GRM8: variants seen among roughly 807,000 people sequenced by gnomAD.
The protein encoded by GRM8 is metabotropic glutamate receptor 8.
Under a neutral mutation model 87.2 loss-of-function variants are expected in GRM8, and 47 were observed. The observed-to-expected ratio is 0.54, with a 90% confidence interval of 0.43 to 0.69. The LOEUF (loss-of-function observed/expected upper bound fraction) is 0.69, where lower values mean the gene tolerates loss of function less well. Ranked by LOEUF, GRM8 falls within the 30% of genes least tolerant of loss-of-function variation. The probability of loss-of-function intolerance (pLI) is 0.00; values close to 1 mark genes in which losing one functional copy is unlikely to be tolerated. For missense variants in GRM8, 1,019 were observed against 1,139.2 expected, an observed-to-expected ratio of 0.89 and a Z score of 1.52; for synonymous variants, 396 against 404.5, an observed-to-expected ratio of 0.98 and a Z score of 0.25.
intron 6 of GRM8, among the ~76,000 whole-genome samples, chr7:126,844,192 C>T (rs1401562801): frequency 6.6e-6 from 1 of 152,202 alleles, no homozygotes; most frequent in Non-Finnish European, 1.5e-5. Context: ...TTTTGAGACA[C>T]TGATTATTGT....
chr7:127,083,485 T>C (rs1374956751), intron 3 of GRM8, among the ~76,000 whole-genome samples: 1 of 152,136 alleles, frequency 6.6e-6, no homozygotes, highest in Non-Finnish European at 1.5e-5. Flanking sequence ...TCCATTCATC[T>C]TTCAGCCTAC....
chr7:127,019,261 C>A, intron 3 of GRM8, among the ~76,000 whole-genome samples: 1 of 152,010 alleles, frequency 6.6e-6, no homozygotes, highest in African/African-American at 2.4e-5. Flanking sequence ...CTATTGAAAA[C>A]TGGTATATTT....
Position 127,242,841 on chromosome 7 carries a change from C to G in GRM8, c.364G>C (p.Ala122Pro). ...ALEQSLTFVQALIEKDASDVK... is the reference protein window; with the variant it reads ...ALEQSLTFVQPLIEKDASDVK... ...TCCGAAGCATCTTTCTCTATTAATG[C>G]CTGCACGAATGTTAGAGACTGCTCC... The change falls in exon 2 of 11, where the codon GCA (alanine) becomes CCA (proline). Residue 122 changes from alanine to proline, a missense_variant. By Grantham distance (27) the Ala-to-Pro change is conservative. Transcript: ENST00000339582. The G allele has an allele frequency of 6.2e-7, 1 of 1,614,116 alleles. No individual in the cohort carries two copies. Among genetic ancestry groups the G allele is most frequent in the Non-Finnish European group, 8.5e-7 (1 of 1,180,012 alleles).
chr7:127,053,182 C>T (rs1263980728), intron 3 of GRM8, among the ~76,000 whole-genome samples: 2 of 152,138 alleles, frequency 1.3e-5, no homozygotes, highest in Non-Finnish European at 2.9e-5. Flanking sequence ...ATGGTTTTAG[C>T]TCTAAAATTC....
At chr7:126,971,596 C>T (rs1301956407) in intron 3 of GRM8, among the ~76,000 whole-genome samples, 1 of 152,164 alleles carries the variant, frequency 6.6e-6, no homozygotes, top group Non-Finnish European at 1.5e-5. Context: ...TATTACACTA[C>T]AATGGTAGCC....
chr7:127,034,320 T>C (rs562212540), intron 3 of GRM8, among the ~76,000 whole-genome samples: 2 of 152,280 alleles, frequency 1.3e-5, no homozygotes, highest in East Asian at 1.9e-4. Context: ...GATATGTTTA[T>C]ATAGCTTGTA....
At chr7:127,038,269 C>T (rs1014357984) in intron 3 of GRM8, among the ~76,000 whole-genome samples, 2 of 152,118 alleles carry the variant, frequency 1.3e-5, no homozygotes, top group Admixed American at 6.5e-5. Context: ...AGTTTGTACA[C>T]ATACCTGAAG....
At chr7:127,009,514 A>T (rs1440697420) in intron 3 of GRM8, among the ~76,000 whole-genome samples, 1 of 152,276 alleles carries the variant, frequency 6.6e-6, no homozygotes, top group South Asian at 2.1e-4. Flanking sequence ...CCTCATAGAA[A>T]ACCTCAACAT....
chr7:126,504,358 ATTATAAG>A (rs1223530540), intron 9 of GRM8, among the ~76,000 whole-genome samples: 1 of 152,098 alleles, frequency 6.6e-6, no homozygotes, highest in East Asian at 1.9e-4. Flanking sequence ...TTCATCTGTT[ATTATAAG>A]TCAAAATGTC....
intron 2 of GRM8, among the ~76,000 whole-genome samples, chr7:127,112,555 T>C (rs534096578): frequency 1.3e-5 from 2 of 151,752 alleles, no homozygotes; most frequent in South Asian, 4.1e-4. Flanking sequence ...GTTATTTTCT[T>C]CCATGTATCC....
At chr7:127,066,007 G>T (rs913669496) in intron 3 of GRM8, among the ~76,000 whole-genome samples, 1 of 152,176 alleles carries the variant, frequency 6.6e-6, no homozygotes, top group Non-Finnish European at 1.5e-5. Context: ...GTATTAAAAA[G>T]AATAATTACT....
chr7:126,550,777 C>T (rs1045455542), intron 8 of GRM8, among the ~76,000 whole-genome samples: 2 of 151,356 alleles, frequency 1.3e-5, no homozygotes, highest in Admixed American at 1.3e-4. Flanking sequence ...ACAAATGATA[C>T]ATAATACTAT....
intron 7 of GRM8, among the ~76,000 whole-genome samples, chr7:126,761,715 G>A (rs1817604242): frequency 6.6e-6 from 1 of 152,074 alleles, no homozygotes; most frequent in Non-Finnish European, 1.5e-5. Context: ...TCACCTGACT[G>A]CCCCCACAAC....
chr7:126,943,328 A>G (rs1807175379), intron 3 of GRM8, among the ~76,000 whole-genome samples: 1 of 152,208 alleles, frequency 6.6e-6, no homozygotes, highest in Non-Finnish European at 1.5e-5. Flanking sequence ...CACTACCCAG[A>G]GCAAGCAGCC....
chr7:126,440,806 A>C (rs182468713), intron 10 of GRM8, among the ~76,000 whole-genome samples: 77 of 152,216 alleles, frequency 5.1e-4, no homozygotes, highest in Admixed American at 9.8e-4. Flanking sequence ...CACATTTCTT[A>C]GAACATGTCA....
chr7:126,450,438 T>C (rs768859607), intron 9 of GRM8, among the ~76,000 whole-genome samples: 1 of 151,898 alleles, frequency 6.6e-6, no homozygotes. Flanking sequence ...CAGGTTCTGT[T>C]TGGCTGCTTT....
chr7:126,823,342 G>A (rs2130218612), intron 6 of GRM8, among the ~76,000 whole-genome samples: 1 of 152,276 alleles, frequency 6.6e-6, no homozygotes, highest in Middle Eastern at 3.4e-3. Context: ...CATAATTTGG[G>A]ATCCAAATGC....
intron 2 of GRM8, among the ~76,000 whole-genome samples, chr7:127,124,408 C>G (rs1403215719): frequency 2.0e-5 from 3 of 152,174 alleles, no homozygotes; most frequent in South Asian, 2.1e-4. Context: ...ACAACACGCT[C>G]TCTTGGTTTT....
intron 3 of GRM8, among the ~76,000 whole-genome samples, chr7:127,015,131 G>GA (rs146656758): frequency 0.041 from 5,279 of 128,970 alleles, 334 homozygotes; most frequent in South Asian, 0.091. Context: ...GAAGGAGAAG[G>GA]AGAAGGAAGA....
Sources: allele counts gnomAD v4.1 joint callset (sites outside exome capture counted in the v4.1 genomes callset), GRCh38; gene constraint gnomAD v4.1.1; transcripts MANE v1.5; gene names NCBI Gene and HGNC (gene_info 2026-07-23, HGNC 2026-07-21).